Variants in KIAA0586 observed in about 807,000 individuals in gnomAD.
KIAA0586 encodes protein TALPID3.
A neutral mutation model predicts 169.8 loss-of-function variants in KIAA0586; 144 were observed. That is an observed-to-expected ratio of 0.85 (90% confidence interval 0.74 to 0.97). KIAA0586 has a LOEUF of 0.97. KIAA0586 is among the 50% of genes least tolerant of loss of function. The pLI is 0.00. For synonymous variants in KIAA0586, 625 were observed against 612.4 expected, an observed-to-expected ratio of 1.02 and a Z score of -0.30; for missense variants, 1,854 against 1,823.0, an observed-to-expected ratio of 1.02 and a Z score of -0.31.
In KIAA0586 at chr14:58,457,910, T is replaced by G. The variant is rs918913562; in HGVS notation, c.1514T>G (p.Leu505Arg). ...AATAAAAAAGTACTTGAAGAAAACC[T>G]GGAAGCTATTATTCGTGCAAAAGAT... The part of the protein sequence containing the change: ...QNNKKVLEEN[L>R]EAIIRAKDGA... Residue 505 changes from leucine to arginine, a missense_variant, in exon 11 of 31, where the codon CTG becomes CGG. Coordinates refer to ENST00000652326, the MANE Select transcript of KIAA0586 (RefSeq NM_001329943.3). 6.2e-7 allele frequency: 1 copy of G among 1,605,984 alleles called. No individual in the cohort carries two copies. Among genetic ancestry groups the G allele is most frequent in the African/African-American group, 1.3e-5 (1 of 74,974 alleles).
intron 21 of KIAA0586, among the ~76,000 whole-genome samples, chr14:58,484,909 T>TATTTTTATATATATATATATATATAA (rs2042311922): frequency 3.4e-5 from 1 of 29,786 alleles, no homozygotes; most frequent in Non-Finnish European, 6.9e-5. Flanking sequence ...TATATATATA[T>TATTTTTATATATATATATATATATAA]ATATATATAT....
chr14:58,458,453 T>C lies in KIAA0586; in HGVS notation c.1584-20T>C. On this transcript the variant is annotated intron_variant, in intron 11 of 30. Coordinates refer to ENST00000652326, the MANE Select transcript of KIAA0586 (RefSeq NM_001329943.3). ...GACAGTAAGTGCTAATTTAAGAAAA[T>C]TCCTTTTTCTCTTTTATAGAGAGAT... 1 of 1,410,506 alleles carries C rather than the reference T, an allele frequency of 7.1e-7. No individual in the cohort carries two copies. Among genetic ancestry groups the C allele is most frequent in the African/African-American group, 1.4e-5 (1 of 70,054 alleles). The allele number at this position is 1,410,506 out of a possible 1,614,324, so 87.4% of individuals were successfully genotyped here.
At chr14:58,487,265 T>G in intron 22 of KIAA0586, 99 bp downstream of exon 22, 1 of 1,042,542 alleles carries the variant, frequency 9.6e-7, no homozygotes. Context: ...TAGTAAATCA[T>G]TTTTTCTCAC....
At chr14:58,439,376 A>G (rs561369297) in intron 4 of KIAA0586, among the ~76,000 whole-genome samples, 1 of 151,944 alleles carries the variant, frequency 6.6e-6, no homozygotes, top group Non-Finnish European at 1.5e-5. Context: ...TTTAGTAGAG[A>G]TGGGGTTTCA....
chr14:58,533,121 G>T (rs139365925), intron 29 of KIAA0586, among the ~76,000 whole-genome samples: 1 of 152,308 alleles, frequency 6.6e-6, no homozygotes, highest in East Asian at 1.9e-4. Flanking sequence ...AGTTCTGAGA[G>T]CCTTGCGATT....
chr14:58,545,809 G>A (rs2046942577), intron 30 of KIAA0586, among the ~76,000 whole-genome samples: 1 of 151,962 alleles, frequency 6.6e-6, no homozygotes, highest in Admixed American at 6.6e-5. Context: ...TGAGACCAAG[G>A]AGTTTGAGAC....
chr14:58,462,012 A>G (rs1005109560), intron 14 of KIAA0586, among the ~76,000 whole-genome samples: 3 of 152,216 alleles, frequency 2.0e-5, no homozygotes, highest in Admixed American at 6.5e-5. Flanking sequence ...ACAGCTGACA[A>G]TATGTGATAA....
chr14:58,561,353 C>T, the KIAA0586 span, among the ~76,000 whole-genome samples: 1 of 152,078 alleles, frequency 6.6e-6, no homozygotes, highest in Admixed American at 6.5e-5. Flanking sequence ...AAAAAATGAA[C>T]ATCTAGTGCA....
At chr14:58,483,096 G>T (rs2042146248) in intron 21 of KIAA0586, among the ~76,000 whole-genome samples, 1 of 152,134 alleles carries the variant, frequency 6.6e-6, no homozygotes, top group South Asian at 2.1e-4. Flanking sequence ...TGGAGAATTG[G>T]CCAATCCTTG....
At chr14:58,543,088 C>T (rs1023029552) in intron 30 of KIAA0586, among the ~76,000 whole-genome samples, 10 of 147,796 alleles carry the variant, frequency 6.8e-5, no homozygotes, top group Middle Eastern at 3.5e-3. Context: ...GCCAAGATTG[C>T]GCCACTGCAC....
At chr14:58,470,216 TTATA>T (rs933584301) in intron 16 of KIAA0586, among the ~76,000 whole-genome samples, 1 of 152,100 alleles carries the variant, frequency 6.6e-6, no homozygotes, top group Non-Finnish European at 1.5e-5. Context: ...TGTTGAAATG[TTATA>T]TAGTCATTTA....
chr14:58,521,992 G>T, intron 29 of KIAA0586: 1 of 1,307,302 alleles, frequency 7.6e-7, no homozygotes, highest in Admixed American at 1.7e-5. Flanking sequence ...TAACTCTTAA[G>T]CACATAGTGG....
At chr14:58,542,996 C>T (rs1011194573) in intron 30 of KIAA0586, among the ~76,000 whole-genome samples, 17 of 151,814 alleles carry the variant, frequency 1.1e-4, no homozygotes, top group African/African-American at 4.1e-4. Context: ...GGCGTGGTGG[C>T]GGGCGCCTTT....
chr14:58,449,701 A>G (rs749648837), intron 7 of KIAA0586, among the ~76,000 whole-genome samples: 19 of 152,194 alleles, frequency 1.2e-4, no homozygotes, highest in Non-Finnish European at 2.4e-4. Context: ...AGCTTTCAGT[A>G]TGACCCAGCT....
At chr14:58,472,510 A>G (rs1317840953) in intron 18 of KIAA0586, among the ~76,000 whole-genome samples, 2 of 151,362 alleles carry the variant, frequency 1.3e-5, no homozygotes, top group Non-Finnish European at 3.0e-5. Flanking sequence ...CCCCACCTAG[A>G]TTTTGTCTAT....
chr14:58,465,986 AG>A lies in KIAA0586; in HGVS notation c.2213del (p.Gly738ValfsTer7). 6.2e-7 allele frequency: 1 copy of A among 1,613,268 alleles called. No homozygotes were observed. The highest frequency in any genetic ancestry group is 1.3e-5 in the African/African-American group (1 of 75,048). ...CAAGTAGAGAAATGCCTACTTTTTCAGGTACATTGGAAGGTCATCTGATTCC... is the reference window on the plus strand; with the variant it reads ...CAAGTAGAGAAATGCCTACTTTTTCAGTACATTGGAAGGTCATCTGATTCC... ...SPSREMPTFS[G>X]TLEGHLIPMA... On this transcript the variant is annotated frameshift_variant, in exon 15 of 31. Coordinates refer to ENST00000652326, the MANE Select transcript of KIAA0586 (RefSeq NM_001329943.3). LOFTEE classifies it high-confidence loss of function.
chr14:58,556,720 A>T, the KIAA0586 span, among the ~76,000 whole-genome samples: 2 of 152,072 alleles, frequency 1.3e-5, no homozygotes, highest in Admixed American at 6.6e-5. Context: ...TGTGATATTC[A>T]TATATATTTT....
intron 4 of KIAA0586, among the ~76,000 whole-genome samples, chr14:58,434,137 G>A (rs569483111): frequency 2.6e-5 from 4 of 152,256 alleles, no homozygotes; most frequent in African/African-American, 4.8e-5. Context: ...CTAGAAGTAC[G>A]TCAGTGTAAT....
chr14:58,484,307 T>A (rs1212358602), intron 21 of KIAA0586, among the ~76,000 whole-genome samples: 1 of 152,222 alleles, frequency 6.6e-6, no homozygotes, highest in Non-Finnish European at 1.5e-5. Flanking sequence ...TGGCTTTTCT[T>A]GGCCTTTTAA....
Sources: gnomAD v4.1 joint callset for allele counts (sites outside exome capture counted in the v4.1 genomes callset) on GRCh38, gnomAD v4.1.1 for gene constraint, MANE v1.5 for transcripts, NCBI Gene and HGNC (gene_info 2026-07-23, HGNC 2026-07-21) for gene names.